The following PARN variants were observed in gnomAD, a reference collection of about 807,000 sequenced individuals.
The protein encoded by PARN is poly(A)-specific ribonuclease PARN.
A neutral mutation model predicts 102.8 loss-of-function variants in PARN; 71 were observed. The ratio of observed to expected loss-of-function variants is 0.69; its 90% CI spans 0.57 to 0.84. The LOEUF (loss-of-function observed/expected upper bound fraction) is 0.84. Ranked by LOEUF, PARN falls within the 40% of genes least tolerant of loss-of-function variation. The pLI, the probability that PARN is intolerant of heterozygous loss-of-function variation, is 0.00. For missense variants in PARN, 782 were observed against 760.9 expected (o/e 1.03, Z -0.33); for synonymous variants, 261 against 252.9 (o/e 1.03, Z -0.30).
chr16:14,458,809 C>A (rs547838450), intron 22 of PARN, among the ~76,000 whole-genome samples: 1 of 152,252 alleles, frequency 6.6e-6, no homozygotes, highest in East Asian at 1.9e-4. Flanking sequence ...CCAGTAGGAG[C>A]TAGATAGGAG....
chr16:14,555,748 C>A, intron 18 of PARN, 39 bp from the exon 19 acceptor site: 1 of 1,057,470 alleles, frequency 9.5e-7, no homozygotes. Flanking sequence ...GGGCAATTTC[C>A]TTTAAAAGAC....
Position 14,527,350 on chromosome 16 carries a change from T to C in PARN, c.1480+24671A>G, listed in dbSNP as rs1379639367. Among the ~76,000 whole-genome samples the C allele has an allele frequency of 2.6e-5, 4 of 152,354 alleles. 1 individual carries two copies. The highest frequency in any genetic ancestry group is 3.4e-3 in the Middle Eastern group (1 of 294). On this transcript the variant is annotated intron_variant, in intron 21 of 23. Transcript: ENST00000437198. ...CTGCTTTCTTCAACCCTTCTCTATCTATAAAACCAACCTCCTCTGCCCAGC... is the reference window on the plus strand; with the variant it reads ...CTGCTTTCTTCAACCCTTCTCTATCCATAAAACCAACCTCCTCTGCCCAGC...
intron 21 of PARN, among the ~76,000 whole-genome samples, chr16:14,497,167 T>C (rs1181159627): frequency 6.6e-6 from 1 of 152,078 alleles, no homozygotes; most frequent in Non-Finnish European, 1.5e-5. Flanking sequence ...TCTCCCCTCT[T>C]TTTTTTAAAT....
intron 21 of PARN, among the ~76,000 whole-genome samples, chr16:14,499,663 T>C (rs775931549): frequency 3.3e-5 from 5 of 151,680 alleles, no homozygotes; most frequent in African/African-American, 4.9e-5. Flanking sequence ...TAAACATTCA[T>C]TGTAAAAACC....
intron 21 of PARN, among the ~76,000 whole-genome samples, chr16:14,503,971 C>T (rs1964755545): frequency 6.6e-6 from 1 of 152,158 alleles, no homozygotes; most frequent in Non-Finnish European, 1.5e-5. Flanking sequence ...AAGCAGTGAA[C>T]CAAGGGCATG....
At chr16:14,536,216 A>G (rs1160687304) in intron 21 of PARN, among the ~76,000 whole-genome samples, 1 of 152,214 alleles carries the variant, frequency 6.6e-6, no homozygotes, top group Admixed American at 6.5e-5. Flanking sequence ...CATTTCACTT[A>G]TATTTTAAAT....
intron 22 of PARN, among the ~76,000 whole-genome samples, chr16:14,453,116 T>A (rs1278867108): frequency 6.6e-6 from 1 of 152,230 alleles, no homozygotes; most frequent in Non-Finnish European, 1.5e-5. Flanking sequence ...AGATTTATAA[T>A]GTACAAAGTG....
chr16:14,519,741 C>T (rs1424329609), intron 21 of PARN, among the ~76,000 whole-genome samples: 1 of 152,190 alleles, frequency 6.6e-6, no homozygotes, highest in East Asian at 1.9e-4. Flanking sequence ...CTGGCCACTA[C>T]TGTCCATTTT....
intron 21 of PARN, among the ~76,000 whole-genome samples, chr16:14,489,306 A>C (rs1963927018): frequency 6.6e-6 from 1 of 152,016 alleles, no homozygotes; most frequent in Non-Finnish European, 1.5e-5. Flanking sequence ...AAACAAACAA[A>C]ATTTCTAGCA....
At chr16:14,582,732 T>A (rs186055565) in intron 16 of PARN, among the ~76,000 whole-genome samples, 7 of 152,206 alleles carry the variant, frequency 4.6e-5, no homozygotes, top group Admixed American at 4.6e-4. Context: ...AGTTCGAATC[T>A]CTGCTCCACC....
chr16:14,586,434 C>G, intron 13 of PARN, 73 bp from the exon 14 acceptor site: 1 of 861,472 alleles, frequency 1.2e-6, no homozygotes, highest in Non-Finnish European at 1.9e-6. Flanking sequence ...GTAAACAGCT[C>G]AAGTTCCATA....
At chr16:14,507,437 C>G (rs529018637) in intron 21 of PARN, among the ~76,000 whole-genome samples, 2 of 152,268 alleles carry the variant, frequency 1.3e-5, no homozygotes, top group South Asian at 4.1e-4. Context: ...TGGCTCACAC[C>G]TGTAATCCCA....
chr16:14,476,401 A>T (rs965585060), intron 22 of PARN, among the ~76,000 whole-genome samples: 3 of 152,338 alleles, frequency 2.0e-5, no homozygotes, highest in Admixed American at 1.3e-4. Context: ...CTTGGACAGT[A>T]TAATTCCAGA....
intron 6 of PARN, among the ~76,000 whole-genome samples, chr16:14,611,447 A>G (rs1397213269): frequency 1.3e-5 from 2 of 152,230 alleles, no homozygotes; most frequent in African/African-American, 4.8e-5. Flanking sequence ...TTCAAAGGCC[A>G]TGATGACTAC....
In PARN at chr16:14,435,715, T is replaced by C. The variant is rs1285198815; in HGVS notation, c.*1002A>G. 1 of 152,124 alleles carries C rather than the reference T, an allele frequency of 6.6e-6. No homozygotes were observed. The highest frequency in any genetic ancestry group is 1.5e-5 in the Non-Finnish European group (1 of 68,014). 9.4% of individuals were successfully genotyped at this position (152,124 alleles called of 1,614,324 possible). On this transcript the variant is annotated 3_prime_UTR_variant, in exon 24 of 24. Transcript: ENST00000437198. ...GAAAACCAGAGTCCTATGAAAATGT[T>C]TTTAATTTTCATCTTTTGGAAATAC...
intron 9 of PARN, among the ~76,000 whole-genome samples, chr16:14,606,808 G>C (rs976577229): frequency 1.4e-5 from 2 of 147,210 alleles, no homozygotes; most frequent in Admixed American, 6.9e-5. Context: ...TGAGACAAGA[G>C]TCTCTCTCTG....
intron 21 of PARN, among the ~76,000 whole-genome samples, chr16:14,536,586 C>T (rs570964944): frequency 1.3e-5 from 2 of 152,120 alleles, no homozygotes; most frequent in South Asian, 4.2e-4. Flanking sequence ...GCAGATGTAT[C>T]GTACACTTAA....
At chr16:14,507,438 T>G (rs1596537121) in intron 21 of PARN, among the ~76,000 whole-genome samples, 2 of 152,194 alleles carry the variant, frequency 1.3e-5, no homozygotes, top group South Asian at 2.1e-4. Flanking sequence ...GGCTCACACC[T>G]GTAATCCCAG....
intron 15 of PARN, 52 bp from the exon 16 acceptor site, chr16:14,584,474 T>C: frequency 1.4e-6 from 2 of 1,439,902 alleles, no homozygotes; most frequent in East Asian, 2.3e-5. Flanking sequence ...CAGAACAATA[T>C]ATTAAAGAGA....
Sources: allele counts gnomAD v4.1 joint callset (sites outside exome capture counted in the v4.1 genomes callset), GRCh38; gene constraint gnomAD v4.1.1; transcripts MANE v1.5; gene names NCBI Gene and HGNC (gene_info 2026-07-23, HGNC 2026-07-21).